The following SAP30BP variants were observed in gnomAD, a reference collection of about 807,000 sequenced individuals.
SAP30BP encodes the protein SAP30-binding protein.
SAP30BP carries 31 observed loss-of-function variants against 46.3 expected under a neutral mutation model. The observed-to-expected ratio is 0.67, with a 90% CI of 0.50 to 0.90. The LOEUF is 0.90. Among genes scored for constraint, SAP30BP ranks in the 40% least tolerant of loss-of-function variants. SAP30BP has a pLI of 0.00. For synonymous variants in SAP30BP, 169 were observed against 144.2 expected, an observed-to-expected ratio of 1.17 and a Z score of -1.23; for missense variants, 312 against 391.0, an observed-to-expected ratio of 0.80 and a Z score of 1.70.
chr17:75,699,033 A>G (rs2060364825), intron 4 of SAP30BP, among the ~76,000 whole-genome samples: 2 of 152,098 alleles, frequency 1.3e-5, no homozygotes, highest in South Asian at 4.1e-4. Context: ...CTTTACAAAA[A>G]CTTTTAAGAT....
intron 3 of SAP30BP, chr17:75,684,805 A>C (rs1184792190): frequency 6.6e-6 from 1 of 152,168 alleles, no homozygotes; most frequent in African/African-American, 2.4e-5. Context: ...AAAGGCAGGC[A>C]GGCCATGAAA....
chr17:75,705,026 G>A (rs2060473880), intron 9 of SAP30BP: 2 of 549,488 alleles, frequency 3.6e-6, no homozygotes, highest in South Asian at 2.0e-5. Flanking sequence ...AGACTTGTTT[G>A]CTACATTGTG....
At chr17:75,704,391 C>T (rs2060462227) in intron 8 of SAP30BP, among the ~76,000 whole-genome samples, 1 of 152,230 alleles carries the variant, frequency 6.6e-6, no homozygotes, top group Non-Finnish European at 1.5e-5. Flanking sequence ...GTTTGGCCTT[C>T]ATGAATTTTG....
intron 3 of SAP30BP, chr17:75,683,656 C>T (rs891042866): frequency 6.6e-6 from 1 of 152,142 alleles, no homozygotes; most frequent in East Asian, 1.9e-4. Flanking sequence ...AGGAATAACT[C>T]GTTCTTTAAG....
intron 3 of SAP30BP, among the ~76,000 whole-genome samples, chr17:75,677,946 A>T (rs921058077): frequency 1.3e-5 from 2 of 152,000 alleles, no homozygotes; most frequent in African/African-American, 4.8e-5. Context: ...AACAGAAATC[A>T]TGGGTCAGTG....
intron 5 of SAP30BP, 97 bp from the exon 6 acceptor site, chr17:75,702,383 G>A (rs1213007797): frequency 3.5e-6 from 2 of 563,842 alleles, no homozygotes; most frequent in East Asian, 5.8e-5. Flanking sequence ...GGAGCCTCAT[G>A]TTCATGCTGC....
At chr17:75,682,184 G>A (rs899119928) in intron 3 of SAP30BP, among the ~76,000 whole-genome samples, 2 of 151,454 alleles carry the variant, frequency 1.3e-5, no homozygotes, top group African/African-American at 4.9e-5. Context: ...CTAACCATAC[G>A]ACCATTTTTT....
chr17:75,687,378 G>A (rs1294196263), intron 3 of SAP30BP, among the ~76,000 whole-genome samples: 2 of 152,182 alleles, frequency 1.3e-5, no homozygotes, highest in East Asian at 1.9e-4. Context: ...CATTTTGGGA[G>A]GCTGTGGCAG....
At chr17:75,698,098 T>C (rs1266444068) in intron 4 of SAP30BP, among the ~76,000 whole-genome samples, 1 of 152,220 alleles carries the variant, frequency 6.6e-6, no homozygotes, top group African/African-American at 2.4e-5. Flanking sequence ...GACAGAATCT[T>C]AACAAATAGC....
At chr17:75,701,356 T>C (rs2060408219) in intron 5 of SAP30BP, among the ~76,000 whole-genome samples, 1 of 152,220 alleles carries the variant, frequency 6.6e-6, no homozygotes, top group African/African-American at 2.4e-5. Flanking sequence ...GGCTCTGCCA[T>C]GACACTCTGG....
intron 3 of SAP30BP, among the ~76,000 whole-genome samples, chr17:75,674,288 A>T (rs572231839): frequency 6.6e-6 from 1 of 151,820 alleles, no homozygotes; most frequent in East Asian, 1.9e-4. Context: ...TTTTATTTTT[A>T]TTTATTTATT....
intron 5 of SAP30BP, 135 bp from the exon 6 acceptor site, chr17:75,702,345 A>G (rs1407513129): frequency 2.0e-6 from 1 of 506,064 alleles, no homozygotes; most frequent in South Asian, 3.2e-5. Flanking sequence ...AAATTTTAAC[A>G]TGAGGTCAAG....
At position 75,703,804 on chromosome 17, in the gene SAP30BP, G is replaced by A; in HGVS notation, c.550-4G>A. On this transcript the variant is annotated splice_region_variant and splice_polypyrimidine_tract_variant and intron_variant, in intron 7 of 10. Coordinates refer to ENST00000584667, the MANE Select transcript of SAP30BP (RefSeq NM_013260.8). ...ATCTGAGTCATTCGCCTTTTCCTTT[G>A]CAGGATATGTTTGATCCCCATGGCT... is the stretch of plus-strand genomic sequence containing the variant. The A allele has an allele frequency of 1.9e-6, 3 of 1,613,392 alleles. No individual in the cohort carries two copies. The highest frequency in any genetic ancestry group is 2.5e-6 in the Non-Finnish European group (3 of 1,179,312).
chr17:75,670,512 A>C (rs1172358732), intron 2 of SAP30BP, among the ~76,000 whole-genome samples: 1 of 114,194 alleles, frequency 8.8e-6, no homozygotes, highest in Non-Finnish European at 2.3e-5. Context: ...CTTAATATTC[A>C]TAACTCTTTT....
chr17:75,697,726 C>T (rs2060344346), intron 4 of SAP30BP, among the ~76,000 whole-genome samples: 1 of 152,230 alleles, frequency 6.6e-6, no homozygotes, highest in Non-Finnish European at 1.5e-5. Flanking sequence ...AGTGTATTTG[C>T]AGTCGGCATA....
chr17:75,689,181 C>G (rs1179836736), intron 3 of SAP30BP, among the ~76,000 whole-genome samples: 2 of 133,902 alleles, frequency 1.5e-5, no homozygotes, highest in Non-Finnish European at 1.6e-5. Flanking sequence ...TGGAGACAAT[C>G]TTGCTCTTTC....
intron 9 of SAP30BP, 94 bp from the exon 10 acceptor site, chr17:75,705,914 T>C: frequency 1.3e-6 from 2 of 1,550,296 alleles, no homozygotes; most frequent in South Asian, 1.1e-5. Flanking sequence ...TTTTGTGTAG[T>C]GCCAAGCTCC....
intron 1 of SAP30BP, among the ~76,000 whole-genome samples, chr17:75,667,760 A>G (rs1415273163): frequency 2.0e-5 from 3 of 152,266 alleles, no homozygotes; most frequent in East Asian, 1.9e-4. Flanking sequence ...CTGCTCAGCC[A>G]CTGCCTGTTT....
chr17:75,698,684 G>T (rs2060359070), intron 4 of SAP30BP, among the ~76,000 whole-genome samples: 1 of 152,098 alleles, frequency 6.6e-6, no homozygotes, highest in Non-Finnish European at 1.5e-5. Context: ...GTGGTGGCTG[G>T]AGCTGGCTCA....
Sources: gnomAD v4.1 joint callset for allele counts (sites outside exome capture counted in the v4.1 genomes callset) on GRCh38, gnomAD v4.1.1 for gene constraint, MANE v1.5 for transcripts, NCBI Gene and HGNC (gene_info 2026-07-23, HGNC 2026-07-21) for gene names.